Variants in KMT2A observed in about 807,000 individuals in gnomAD.
KMT2A encodes the protein lysine methyltransferase 2A.
Under a neutral mutation model 345.3 loss-of-function variants are expected in KMT2A, and 16 were observed. The ratio of observed to expected loss-of-function variants is 0.05; its 90% CI spans 0.03 to 0.07. KMT2A has a LOEUF of 0.07. Among genes scored for constraint, KMT2A ranks in the 10% least tolerant of loss-of-function variants. KMT2A has a pLI of 1.00. For missense variants in KMT2A, 3,272 were observed against 4,841.6 expected, an observed-to-expected ratio of 0.68 and a Z score of 9.62; for synonymous variants, 1,599 against 1,778.6, an observed-to-expected ratio of 0.90 and a Z score of 2.54.
chr11:118,487,355 A>G (rs1950248048), intron 10 of KMT2A, among the ~76,000 whole-genome samples: 1 of 152,190 alleles, frequency 6.6e-6, no homozygotes, highest in Non-Finnish European at 1.5e-5. Context: ...AATATAAATT[A>G]GAGAATAGCA....
intron 1 of KMT2A, among the ~76,000 whole-genome samples, chr11:118,467,042 G>A (rs1949857306): frequency 6.6e-6 from 1 of 151,912 alleles, no homozygotes; most frequent in Admixed American, 6.6e-5. Flanking sequence ...ACTGTAGTCT[G>A]TGTTCCTTAA....
At chr11:118,440,477 T>G (rs916686218) in intron 1 of KMT2A, among the ~76,000 whole-genome samples, 2 of 152,224 alleles carry the variant, frequency 1.3e-5, no homozygotes, top group Non-Finnish European at 2.9e-5. Context: ...TTCTGTTGAC[T>G]AGAAGTTAGG....
In KMT2A at chr11:118,459,404, G is replaced by A. The variant is rs1555031845; in HGVS notation, c.433-9371G>A. ...AAGACTAAAAATTTTGGAAACAGAA[G>A]AATGCTAAGATATAGCTGCTAAAGG... On this transcript the variant is annotated intron_variant, in intron 1 of 35. Coordinates refer to ENST00000534358, the MANE Select transcript of KMT2A (RefSeq NM_001197104.2). 2.0e-5 allele frequency among the ~76,000 whole-genome samples: 3 copies of A among 152,090 alleles called. No homozygotes were observed. In the South Asian group the frequency reaches 6.2e-4, roughly 32 times the overall value.
chr11:118,508,223 A>G (rs561236770), intron 28 of KMT2A, among the ~76,000 whole-genome samples: 16 of 152,314 alleles, frequency 1.1e-4, no homozygotes, highest in Admixed American at 1.0e-3. Context: ...TGGTATATAT[A>G]TGAATATGTA....
Position 118,523,908 on chromosome 11 carries a change from T to C in KMT2A, c.*1736T>C, listed in dbSNP as rs1353961463. ...TTGGGCCACTCCCCTCCTTCCCCTA[T>C]TGAAGCTCCTCAAAAGGCTACAGTA... On this transcript the variant is annotated 3_prime_UTR_variant, in exon 36 of 36. Transcript: ENST00000534358. The C allele has an allele frequency of 1.0e-5, 2 of 200,414 alleles. No individual in the cohort carries two copies. The highest frequency in any genetic ancestry group is 4.6e-5 in the African/African-American group (2 of 43,472). 12.4% of individuals were successfully genotyped at this position (200,414 alleles called of 1,614,324 possible).
At chr11:118,456,575 T>C (rs1336505843) in intron 1 of KMT2A, among the ~76,000 whole-genome samples, 1 of 151,904 alleles carries the variant, frequency 6.6e-6, no homozygotes, top group East Asian at 1.9e-4. Flanking sequence ...CCTGACCTCA[T>C]GATTCGCCCA....
chr11:118,484,473 T>A lies in KMT2A; in HGVS notation c.4218+159T>A. On this transcript the variant is annotated intron_variant, in intron 9 of 35. Transcript: ENST00000534358. This position sits in a 1 kb window ranked among gnomAD's most constrained non-coding sequence, Gnocchi z 4.1. ...GGGTTTAGCGCTGGGAGAGCTTTGG[T>A]CAGTGTTGTTAGGTCACTGTTTGTG... 2.8e-6 allele frequency: 2 copies of A among 702,814 alleles called. No individual in the cohort carries two copies. The highest frequency in any genetic ancestry group is 4.7e-6 in the Non-Finnish European group (2 of 426,500). The allele number at this position is 702,814 out of a possible 1,614,324, so 43.5% of individuals were successfully genotyped here. A position where few individuals can be genotyped will look rare whatever the true frequency, so the allele number is the denominator to read the frequency against.
intron 1 of KMT2A, 142 bp downstream of exon 1, chr11:118,437,086 G>T: frequency 9.6e-7 from 1 of 1,038,762 alleles, no homozygotes; most frequent in African/African-American, 1.7e-5. Context: ...CTCCCATCTT[G>T]GGACCCCCAT....
intron 6 of KMT2A, 72 bp downstream of exon 6, chr11:118,480,310 G>A (rs1490269710): frequency 1.2e-5 from 14 of 1,139,006 alleles, no homozygotes; most frequent in African/African-American, 1.6e-5. Flanking sequence ...ACACCCAGTA[G>A]AAGAGAATAC....
chr11:118,444,620 G>A (rs1227396420), intron 1 of KMT2A, among the ~76,000 whole-genome samples: 2 of 152,170 alleles, frequency 1.3e-5, no homozygotes, highest in East Asian at 1.9e-4. Context: ...TTGTTGCCTA[G>A]GCTAGAGTGT....
chr11:118,517,205 C>T (rs1433627496), intron 31 of KMT2A, among the ~76,000 whole-genome samples: 1 of 151,624 alleles, frequency 6.6e-6, no homozygotes, highest in Non-Finnish European at 1.5e-5. Context: ...ACCATCCTGG[C>T]TAACACAGTG....
chr11:118,458,610 C>T (rs1949690733), intron 1 of KMT2A, among the ~76,000 whole-genome samples: 1 of 152,184 alleles, frequency 6.6e-6, no homozygotes, highest in Admixed American at 6.5e-5. Flanking sequence ...TCAGAGTACA[C>T]ACTCTAAAGA....
At chr11:118,457,257 C>CTTTTTT (rs782636684) in intron 1 of KMT2A, among the ~76,000 whole-genome samples, 2 of 89,058 alleles carry the variant, frequency 2.2e-5, no homozygotes, top group Non-Finnish European at 4.1e-5. Context: ...CACCTCCTGC[C>CTTTTTT]TTTTTTTTTT....
Position 118,503,298 on chromosome 11 carries a change from A to T in KMT2A, c.7406A>T (p.Asp2469Val). 1 of 1,614,136 alleles carries T rather than the reference A, an allele frequency of 6.2e-7. No individual in the cohort carries two copies. The highest frequency in any genetic ancestry group is 1.7e-5 in the Admixed American group (1 of 60,018). ...EEGNLKPEFMDEVLTPEYMGQ... is the reference protein window; with the variant it reads ...EEGNLKPEFMVEVLTPEYMGQ... ...GGAAACTTGAAGCCAGAGTTTATGG[A>T]TGAGGTTTTGACTCCTGAGTATATG... Residue 2469 changes from aspartate (D) to valine (V), a missense_variant, in exon 27 of 36, where the codon GAT becomes GTT. By Grantham distance (152) the Asp-to-Val change is radical (BLOSUM62 -3). Transcript: ENST00000534358. The surrounding 1 kb of genome is among the most constrained non-coding windows in gnomAD (Gnocchi z 5.3).
In KMT2A at chr11:118,498,609, A is replaced by C; in HGVS notation, c.5961+81A>C. The stretch of plus-strand genomic sequence containing the variant: ...TTAGGTTCACAGCAAAATTGACTGG[A>C]AGGTACAGAGATTTCCCATATGCCC... On this transcript the variant is annotated intron_variant, in intron 22 of 35. Coordinates refer to ENST00000534358, the MANE Select transcript of KMT2A (RefSeq NM_001197104.2). This position sits in a 1 kb window ranked among gnomAD's most constrained non-coding sequence, Gnocchi z 4.4. 1.4e-6 allele frequency: 2 copies of C among 1,427,984 alleles called. No homozygotes were observed. The highest frequency in any genetic ancestry group is 1.9e-6 in the Non-Finnish European group (2 of 1,064,088). The allele number at this position is 1,427,984 out of a possible 1,614,324, so 88.5% of individuals were successfully genotyped here. A position where few individuals can be genotyped will look rare whatever the true frequency, so the allele number is the denominator to read the frequency against.
In KMT2A at chr11:118,523,822, A is replaced by T. The variant is rs990786132; in HGVS notation, c.*1650A>T. On this transcript the variant is annotated 3_prime_UTR_variant, in exon 36 of 36. Transcript: ENST00000534358. The stretch of plus-strand genomic sequence containing the variant: ...TGTAGCTTGTTTGTGCCCTGTTGAC[A>T]TAAATGTTTCCTGGGTTTGCTCTTT... 1 of 210,384 alleles carries T rather than the reference A, an allele frequency of 4.8e-6. No individual in the cohort carries two copies. Among genetic ancestry groups the T allele is most frequent in the Non-Finnish European group, 9.6e-6 (1 of 103,734 alleles). The allele number at this position is 210,384 out of a possible 1,614,324, so 13.0% of individuals were successfully genotyped here.
chr11:118,518,799 C>T (rs1400108356), intron 31 of KMT2A, among the ~76,000 whole-genome samples: 10 of 128,326 alleles, frequency 7.8e-5, no homozygotes, highest in East Asian at 6.9e-4. Context: ...AAAAAAAAGC[C>T]GGGCGCGGTG....
chr11:118,482,764 AAAG>A lies in KMT2A; in HGVS notation c.4086+285_4086+287del, dbSNP rs45545941. Among the ~76,000 whole-genome samples, 47,016 of 145,462 alleles carry A rather than the reference AAAG, an allele frequency of 0.32. 8,182 individuals are homozygous for A. Among genetic ancestry groups the A allele is most frequent in the Non-Finnish European group, 0.44 (28,373 of 64,932 alleles). On this transcript the variant is annotated intron_variant, in intron 8 of 35. Coordinates refer to ENST00000534358, the MANE Select transcript of KMT2A (RefSeq NM_001197104.2). Reference sequence around the variant, plus strand: ...GTCTTTATTTAAACAAAAAAAAAAAAAAGAAGAAGAAGAAGAAGTTAGCCAGGC... The same window carrying A: ...GTCTTTATTTAAACAAAAAAAAAAAAAAGAAGAAGAAGAAGTTAGCCAGGC...
Position 118,501,672 on chromosome 11 carries a change from A to G in KMT2A, c.6320A>G (p.Glu2107Gly). 6.2e-7 allele frequency: 1 copy of G among 1,602,190 alleles called. No homozygotes were observed. The part of the protein sequence containing the change: ...TIAHSPTSFT[E>G]SSSKESQNTA... ...TAAGAGTTTTTATTTCCTGCCACAGAAAGTTCATCAAAAGAGAGTCAAAAC... is the reference window on the plus strand; with the variant it reads ...TAAGAGTTTTTATTTCCTGCCACAGGAAGTTCATCAAAAGAGAGTCAAAAC... Residue 2107 changes from glutamate to glycine, a missense_variant and splice_region_variant, in exon 26 of 36, where the codon GAA becomes GGA. Glu to Gly is a moderately conservative substitution (Grantham distance 98). Transcript: ENST00000534358.
Sources: gnomAD v4.1 joint callset for allele counts (sites outside exome capture counted in the v4.1 genomes callset) on GRCh38, gnomAD v4.1.1 for gene constraint, Gnocchi (gnomAD v3.1) non-coding constraint, MANE v1.5 for transcripts, NCBI Gene and HGNC (gene_info 2026-07-23, HGNC 2026-07-21) for gene names.